Variants in PAPOLA observed in about 807,000 individuals in gnomAD.
PAPOLA encodes the protein polynucleotide adenylyltransferase alpha.
PAPOLA carries 15 observed loss-of-function variants against 100.6 expected under a neutral mutation model. The observed-to-expected ratio is 0.15, with a 90% CI of 0.10 to 0.23. PAPOLA has a LOEUF of 0.23. PAPOLA is among the 10% of genes least tolerant of loss of function. The pLI is 1.00. For missense variants in PAPOLA, 533 were observed against 884.2 expected (o/e 0.60, Z 5.04); for synonymous variants, 293 against 300.0 (o/e 0.98, Z 0.24).
rs1899022958 is a variant in PAPOLA, at chr14:96,531,614, T to G, written c.607+28T>G. On this transcript the variant is annotated intron_variant, in intron 7 of 21. Transcript: ENST00000216277. ...ATGAGAAAGCCTACTTCCTTTTGTGTACTTCAGTTTTTGTCAGATATTAGT... is the reference window on the plus strand; with the variant it reads ...ATGAGAAAGCCTACTTCCTTTTGTGGACTTCAGTTTTTGTCAGATATTAGT... 3.8e-6 allele frequency: 6 copies of G among 1,575,510 alleles called. No homozygotes were observed. The Admixed American group carries it at 5.5e-5, about 14-fold the overall frequency.
In PAPOLA at chr14:96,534,155, C is replaced by CT. The variant is rs1006754771; in HGVS notation, c.837-333dup. 6 of 1,054,446 alleles carry CT rather than the reference C, an allele frequency of 5.7e-6. No individual in the cohort carries two copies. In the African/African-American group the frequency reaches 8.4e-5, roughly 15 times the overall value. The allele number at this position is 1,054,446 out of a possible 1,614,324, so 65.3% of individuals were successfully genotyped here. A position where few individuals can be genotyped will look rare whatever the true frequency, so the allele number is the denominator to read the frequency against. Reference sequence around the variant, plus strand: ...ACTAGTATAAAGGCAGGAATTTTGTCTTTCAGTGGAGATTTATTCTGTTCA... The same window carrying CT: ...ACTAGTATAAAGGCAGGAATTTTGTCTTTTCAGTGGAGATTTATTCTGTTCA... On this transcript the variant is annotated intron_variant, in intron 9 of 21. Coordinates refer to ENST00000216277, the MANE Select transcript of PAPOLA (RefSeq NM_032632.5).
intron 12 of PAPOLA, among the ~76,000 whole-genome samples, chr14:96,538,189 C>T (rs979729764): frequency 1.3e-5 from 2 of 151,898 alleles, no homozygotes; most frequent in Admixed American, 6.6e-5. Context: ...GACACAGTTA[C>T]ATGTAAGGAG....
chr14:96,559,581 C>CTCTATATATATA (rs370979875), intron 19 of PAPOLA, among the ~76,000 whole-genome samples: 45 of 120,176 alleles, frequency 3.7e-4, no homozygotes, highest in African/African-American at 1.1e-3. Flanking sequence ...CTCTCTCTCT[C>CTCTATATATATA]TATATATATA....
intron 1 of PAPOLA, among the ~76,000 whole-genome samples, chr14:96,508,965 T>C (rs531944246): frequency 6.6e-6 from 1 of 152,318 alleles, no homozygotes; most frequent in African/African-American, 2.4e-5. Context: ...CTGTGTTGCA[T>C]TGTCATTCCA....
At chr14:96,526,921 A>T (rs893433357) in intron 4 of PAPOLA, 1 of 152,666 alleles carries the variant, frequency 6.6e-6, no homozygotes. Context: ...CTGCCTATGT[A>T]CTTAGTGCTG....
At chr14:96,508,154 G>A (rs1272060665) in intron 1 of PAPOLA, among the ~76,000 whole-genome samples, 1 of 152,082 alleles carries the variant, frequency 6.6e-6, no homozygotes, top group Non-Finnish European at 1.5e-5. Context: ...GGGATTACAG[G>A]CCCACCACGC....
intron 19 of PAPOLA, among the ~76,000 whole-genome samples, chr14:96,559,581 C>CTCTATATATATATA (rs370979875): frequency 5.8e-5 from 7 of 120,178 alleles, no homozygotes; most frequent in African/African-American, 2.4e-4. Flanking sequence ...CTCTCTCTCT[C>CTCTATATATATATA]TATATATATA....
At chr14:96,528,403 C>T (rs1036470933) in intron 6 of PAPOLA, among the ~76,000 whole-genome samples, 13 of 152,132 alleles carry the variant, frequency 8.5e-5, no homozygotes, top group African/African-American at 3.1e-4. Flanking sequence ...GAAATATCTT[C>T]CGATAGGGGA....
In PAPOLA at chr14:96,537,404, G is replaced by A. The variant is rs369367258; in HGVS notation, c.1115+344G>A. 67 of 181,734 alleles carry A rather than the reference G, an allele frequency of 3.7e-4. 1 individual carries two copies. In the South Asian group the frequency reaches 9.8e-3, roughly 27 times the overall value. The allele number at this position is 181,734 out of a possible 1,614,324, so 11.3% of individuals were successfully genotyped here. A position where few individuals can be genotyped will look rare whatever the true frequency, so the allele number is the denominator to read the frequency against. ...GTTAATAATTCTCTGCTAAGAAACA[G>A]TATTTTTATCTAATTCTGGAAACTC... On this transcript the variant is annotated intron_variant, in intron 12 of 21. Coordinates refer to ENST00000216277, the MANE Select transcript of PAPOLA (RefSeq NM_032632.5).
Position 96,522,111 on chromosome 14 carries a change from TCTTTC to T in PAPOLA, c.249+1040_249+1044del, listed in dbSNP as rs796304366. ...AGCCACTGCATCTAGCCTCTTTCTT[TCTTTC>T]TTTTTTTTTTTTTTTTTTTTTTTTT... is the stretch of plus-strand genomic sequence containing the variant. On this transcript the variant is annotated intron_variant, in intron 3 of 21. Transcript: ENST00000216277. Among the ~76,000 whole-genome samples the T allele has an allele frequency of 6.5e-3, 745 of 114,524 alleles. 14 individuals are homozygous for T. Among genetic ancestry groups the T allele is most frequent in the African/African-American group, 0.03 (691 of 22,744 alleles). 75.1% of individuals were successfully genotyped at this position (114,524 alleles called of 152,430 possible). A position where few individuals can be genotyped will look rare whatever the true frequency, so the allele number is the denominator to read the frequency against.
chr14:96,522,112 C>CTT (rs1350167869), intron 3 of PAPOLA, among the ~76,000 whole-genome samples: 1,892 of 97,822 alleles, frequency 0.019, 86 homozygotes, highest in African/African-American at 0.026. Flanking sequence ...CTCTTTCTTT[C>CTT]TTTCTTTTTT....
chr14:96,537,247 G>C lies in PAPOLA; in HGVS notation c.1115+187G>C, dbSNP rs948144627. On this transcript the variant is annotated intron_variant, in intron 12 of 21. Transcript: ENST00000216277. ...GAGGTAATGAATGTGAAGCCCCTTT[G>C]ATTTTTCTGCCCGATCTAACTGAAC... The C allele has an allele frequency of 7.1e-6, 4 of 562,486 alleles. No individual in the cohort carries two copies. The African/African-American group carries it at 7.5e-5, about 11-fold the overall frequency. The allele number at this position is 562,486 out of a possible 1,614,324, so 34.8% of individuals were successfully genotyped here.
intron 16 of PAPOLA, among the ~76,000 whole-genome samples, chr14:96,548,247 CTAAAT>C (rs1460437459): frequency 1.1e-4 from 17 of 152,014 alleles, no homozygotes; most frequent in African/African-American, 3.9e-4. Context: ...AAAAAGTAAA[CTAAAT>C]TAAATTAGTA....
intron 21 of PAPOLA, among the ~76,000 whole-genome samples, chr14:96,564,510 C>T (rs1902127129): frequency 6.6e-6 from 1 of 151,998 alleles, no homozygotes; most frequent in Non-Finnish European, 1.5e-5. Context: ...GTTTAATTTA[C>T]AGTGTCAGAA....
chr14:96,534,405 C>T (rs1011601584), intron 9 of PAPOLA, 86 bp from the exon 10 acceptor site: 22 of 1,554,178 alleles, frequency 1.4e-5, no homozygotes, highest in Non-Finnish European at 1.8e-5. Context: ...AGAAGGATCA[C>T]GTTCACAAAT....
At chr14:96,556,115 T>TA in intron 18 of PAPOLA, 60 bp from the exon 19 acceptor site, 4 of 1,391,264 alleles carry the variant, frequency 2.9e-6, no homozygotes, top group Admixed American at 1.8e-5. Context: ...AACAAAAACT[T>TA]ACAACTTGAT....
Position 96,559,579 on chromosome 14 carries a change from CTCTA to C in PAPOLA, c.2005-1068_2005-1065del, listed in dbSNP as rs1443078245. Among the ~76,000 whole-genome samples the C allele has an allele frequency of 2.8e-3, 305 of 108,456 alleles. 2 individuals carry two copies. Among genetic ancestry groups the C allele is most frequent in the African/African-American group, 0.011 (289 of 25,898 alleles). 71.2% of individuals were successfully genotyped at this position (108,456 alleles called of 152,430 possible). ...TCTCTCTCTCTCTCTCTCTCTCTCT[CTCTA>C]TATATATATATATACACACACACAT... On this transcript the variant is annotated intron_variant, in intron 19 of 21. Coordinates refer to ENST00000216277, the MANE Select transcript of PAPOLA (RefSeq NM_032632.5).
intron 19 of PAPOLA, among the ~76,000 whole-genome samples, chr14:96,557,634 GA>G (rs988213162): frequency 6.7e-6 from 1 of 148,832 alleles, no homozygotes; most frequent in Non-Finnish European, 1.5e-5. Flanking sequence ...CTTTAGAGTG[GA>G]AAAAAAACCC....
chr14:96,554,232 A>G (rs1284581142), intron 17 of PAPOLA, among the ~76,000 whole-genome samples: 4 of 152,242 alleles, frequency 2.6e-5, no homozygotes, highest in African/African-American at 9.6e-5. Context: ...CTCAACAAGC[A>G]GTGAGTGTTT....
Sources: allele counts gnomAD v4.1 joint callset (sites outside exome capture counted in the v4.1 genomes callset), GRCh38; gene constraint gnomAD v4.1.1; transcripts MANE v1.5; gene names NCBI Gene and HGNC (gene_info 2026-07-23, HGNC 2026-07-21).